THBS1: variants seen among roughly 807,000 people sequenced by gnomAD.
THBS1 encodes the protein thrombospondin 1.
THBS1 carries 29 observed loss-of-function variants against 126.1 expected under a neutral mutation model. The observed-to-expected ratio is 0.23, with a 90% CI of 0.17 to 0.31. The LOEUF (loss-of-function observed/expected upper bound fraction) is 0.31, where lower values mean the gene tolerates loss of function less well. Ranked by LOEUF, THBS1 falls within the 10% of genes least tolerant of loss-of-function variation. THBS1 has a pLI of 1.00. For synonymous variants in THBS1, 496 were observed against 577.8 expected (o/e 0.86, Z 2.03); for missense variants, 1,198 against 1,545.2 (o/e 0.78, Z 3.77).
At chr15:39,583,576 C>T (rs755099892) in intron 3 of THBS1, 41 bp from the exon 4 acceptor site, 165 of 1,523,700 alleles carry the variant, frequency 1.1e-4, no homozygotes, top group Non-Finnish European at 1.4e-4. Context: ...ATCCCCACCC[C>T]GCTCTGCATT....
Position 39,588,682 on chromosome 15 carries a change from A to G in THBS1, c.1628A>G (p.Lys543Arg). Residue 543 changes from lysine (K) to arginine (R), a missense_variant, in exon 10 of 22, where the codon AAG becomes AGG. Around this residue, in one of 4 missense-constraint regions of THBS1, gnomAD observed 663 missense variants for 860.1 expected, o/e 0.77. Transcript: ENST00000260356. ...GDVTENQICNKQDCPIDGCLS... is the reference protein window; with the variant it reads ...GDVTENQICNRQDCPIDGCLS... ...GTAACAGAAAACCAGATCTGCAACAAGCAGGACTGTCCAATTGGTGAGCCA... is the reference window on the plus strand; with the variant it reads ...GTAACAGAAAACCAGATCTGCAACAGGCAGGACTGTCCAATTGGTGAGCCA... 3 of 1,586,956 alleles carry G rather than the reference A, an allele frequency of 1.9e-6. No homozygotes were observed. The highest frequency in any genetic ancestry group is 2.6e-6 in the Non-Finnish European group (3 of 1,168,434).
At chr15:39,584,524 C>T (rs913652956) in intron 6 of THBS1, 102 bp downstream of exon 6, 2 of 1,465,822 alleles carry the variant, frequency 1.4e-6, no homozygotes, top group Non-Finnish European at 1.8e-6. Context: ...TTTTATGTTC[C>T]ATGGCCTGAT....
rs1274149815 is a variant in THBS1 at position 39,597,212 on chromosome 15, A to G, written c.*1843A>G. The stretch of plus-strand genomic sequence containing the variant: ...AGGAAATACTGCCTGTAGAGTTAGT[A>G]TTTCTATTTTTATATAATGTTTGCA... On this transcript the variant is annotated 3_prime_UTR_variant, in exon 22 of 22. Transcript: ENST00000260356. 1 of 134,532 alleles carries G rather than the reference A, an allele frequency of 7.4e-6. No homozygotes were observed. The highest frequency in any genetic ancestry group is 2.8e-5 in the African/African-American group (1 of 35,200). 8.3% of individuals were successfully genotyped at this position (134,532 alleles called of 1,614,324 possible).
At chr15:39,586,095 G>A (rs945428646) in intron 7 of THBS1, among the ~76,000 whole-genome samples, 5 of 152,156 alleles carry the variant, frequency 3.3e-5, no homozygotes, top group African/African-American at 1.2e-4. Flanking sequence ...CCTGGCTTTT[G>A]TTACCAGTAA....
In THBS1 at chr15:39,592,784, G is replaced by A. The variant is rs1441116907; in HGVS notation, c.2749G>A (p.Asp917Asn). 23 of 1,613,286 alleles carry A rather than the reference G, an allele frequency of 1.4e-5. No homozygotes were observed. The highest frequency in any genetic ancestry group is 1.8e-5 in the Non-Finnish European group (21 of 1,179,604). Residue 917 changes from aspartate to asparagine, a missense_variant, in exon 17 of 22, where the codon GAC becomes AAC. Around this residue, in one of 4 missense-constraint regions of THBS1, gnomAD observed 255 missense variants for 373.9 expected, o/e 0.68. Transcript: ENST00000260356. This position sits in a 1 kb window ranked among gnomAD's most constrained non-coding sequence, Gnocchi z 4.3. ...KDNCRLVPNP[D>N]QKDSDGDGRG... ...CAACTGCAGACTCGTGCCCAATCCCGACCAGAAGGACTCTGACGGTGAGTC... is the reference window on the plus strand; with the variant it reads ...CAACTGCAGACTCGTGCCCAATCCCAACCAGAAGGACTCTGACGGTGAGTC...
chr15:39,587,413 G>A lies in THBS1; in HGVS notation c.1187G>A (p.Gly396Asp). Residue 396 changes from glycine to aspartate, a missense_variant, in exon 8 of 22, where the codon GGC (glycine) becomes GAC (aspartate). Physicochemically the swap from Gly to Asp is moderately conservative, Grantham distance 94. Coordinates refer to ENST00000260356, the MANE Select transcript of THBS1 (RefSeq NM_003246.4). ...TGGACCTCCTGTTCTACGAGCTGTGGCAATGGAATTCAGCAGCGCGGCCGC... is the reference window on the plus strand; with the variant it reads ...TGGACCTCCTGTTCTACGAGCTGTGACAATGGAATTCAGCAGCGCGGCCGC... ...SEWTSCSTSCGNGIQQRGRSC... is the reference protein window; with the variant it reads ...SEWTSCSTSCDNGIQQRGRSC... 6.2e-7 allele frequency: 1 copy of A among 1,613,980 alleles called. No homozygotes were observed.
intron 8 of THBS1, 131 bp downstream of exon 8, chr15:39,587,651 C>G: frequency 1.0e-6 from 1 of 969,530 alleles, no homozygotes; most frequent in South Asian, 1.8e-5. Flanking sequence ...CACTGCTTAG[C>G]TGTGCACCCT....
At position 39,592,783 on chromosome 15, in the gene THBS1, C is replaced by T. The variant is rs754711395; in HGVS notation, c.2748C>T (p.Pro916=). The T allele has an allele frequency of 1.8e-5, 29 of 1,613,504 alleles. 1 individual carries two copies. The East Asian group carries it at 4.0e-4, about 22-fold the overall frequency. The change falls in exon 17 of 22, where the codon CCC becomes CCT. Residue 916 remains proline (P), a synonymous_variant. Transcript: ENST00000260356. This position sits in a 1 kb window ranked among gnomAD's most constrained non-coding sequence, Gnocchi z 4.3. Reference sequence around the variant, plus strand: ...ACAACTGCAGACTCGTGCCCAATCCCGACCAGAAGGACTCTGACGGTGAGT... The same window carrying T: ...ACAACTGCAGACTCGTGCCCAATCCTGACCAGAAGGACTCTGACGGTGAGT... The part of the protein sequence containing the change: ...DKDNCRLVPN[P]DQKDSDGDGR...
In THBS1 at chr15:39,592,624, T is replaced by C. The variant is rs549986730; in HGVS notation, c.2589T>C (p.Asp863=). Residue 863 remains aspartate, a synonymous_variant, in exon 17 of 22, where the codon GAT becomes GAC. Transcript: ENST00000260356. The surrounding 1 kb of genome is among the most constrained non-coding windows in gnomAD (Gnocchi z 4.3). ...GDTCDNNQDI[D]EDGHQNNLDN... is the part of the protein sequence containing the mutation. ...CCTGTGACAACAATCAGGATATTGA[T>C]GAAGATGGCCACCAGAACAATCTGG... 3.1e-6 allele frequency: 5 copies of C among 1,614,118 alleles called. No individual in the cohort carries two copies. In the African/African-American group the frequency reaches 6.7e-5, roughly 22 times the overall value.
Position 39,595,607 on chromosome 15 carries a change from C to T in THBS1, c.*238C>T. 1 of 633,196 alleles carries T rather than the reference C, an allele frequency of 1.6e-6. No individual in the cohort carries two copies. Among genetic ancestry groups the T allele is most frequent in the Admixed American group, 2.2e-5 (1 of 45,462 alleles). The allele number at this position is 633,196 out of a possible 1,614,324, so 39.2% of individuals were successfully genotyped here. ...CATCTTCCAAGCATATAAACAATTG[C>T]TTTGGTTTCCTTTTGAAAAAGCATC... On this transcript the variant is annotated 3_prime_UTR_variant, in exon 22 of 22. Transcript: ENST00000260356.
At position 39,584,435 on chromosome 15, in the gene THBS1, C is replaced by G. The variant is rs765946152; in HGVS notation, c.1026+13C>G. 7 of 1,613,844 alleles carry G rather than the reference C, an allele frequency of 4.3e-6. No homozygotes were observed. The East Asian group carries it at 1.6e-4, about 36-fold the overall frequency. ...GTGTCACTGTCAGGTAAGGGACCTTCACCAGCCAGAATAAGAATCGACGGC... is the reference window on the plus strand; with the variant it reads ...GTGTCACTGTCAGGTAAGGGACCTTGACCAGCCAGAATAAGAATCGACGGC... On this transcript the variant is annotated intron_variant, in intron 6 of 21. Transcript: ENST00000260356.
chr15:39,585,791 A>T (rs1467534537), intron 7 of THBS1, among the ~76,000 whole-genome samples: 1 of 152,244 alleles, frequency 6.6e-6, no homozygotes, highest in Admixed American at 6.5e-5. Flanking sequence ...GGCAGTGAAG[A>T]TCTTGGTATA....
chr15:39,588,338 A>G lies in THBS1; in HGVS notation c.1471+120A>G. The G allele has an allele frequency of 1.0e-5, 14 of 1,359,546 alleles. No homozygotes were observed. In the South Asian group the frequency reaches 2.1e-4, roughly 20 times the overall value. 84.2% of individuals were successfully genotyped at this position (1,359,546 alleles called of 1,614,324 possible). On this transcript the variant is annotated intron_variant, in intron 9 of 21. Coordinates refer to ENST00000260356, the MANE Select transcript of THBS1 (RefSeq NM_003246.4). ...AGCAGGAAGGTTACCTACTAGAGAA[A>G]CAAACAGAAGCAAAGTCCTGCAGGC...
chr15:39,583,593 G>C (rs201930267), intron 3 of THBS1, 24 bp from the exon 4 acceptor site: 2 of 1,220,880 alleles, frequency 1.6e-6, no homozygotes, highest in East Asian at 3.9e-5. Context: ...CATTCTACAA[G>C]TAATGTGTGT....
In THBS1 at chr15:39,590,585, G is replaced by A. The variant is rs1890307975; in HGVS notation, c.2215G>A (p.Asp739Asn). The A allele has an allele frequency of 1.9e-6, 3 of 1,613,822 alleles. No individual in the cohort carries two copies. Among genetic ancestry groups the A allele is most frequent in the East Asian group, 2.2e-5 (1 of 44,890 alleles). ...YDKDGIGDAC[D>N]DDDDNDKIPD... ...CAAGGATGGAATTGGTGATGCCTGTGATGATGACGATGACAATGATAAAAT... is the reference window on the plus strand; with the variant it reads ...CAAGGATGGAATTGGTGATGCCTGTAATGATGACGATGACAATGATAAAAT... The change falls in exon 14 of 22, where the codon GAT (aspartate) becomes AAT (asparagine). Residue 739 changes from aspartate to asparagine, a missense_variant. This residue lies in a region of THBS1 where 663 missense variants were observed against 860.1 expected (regional missense o/e 0.77). Transcript: ENST00000260356.
intron 2 of THBS1, 114 bp from the exon 3 acceptor site, chr15:39,582,079 C>T: frequency 1.5e-6 from 2 of 1,329,194 alleles, no homozygotes; most frequent in Non-Finnish European, 2.1e-6. Context: ...TCACCTCTTT[C>T]AGTGGTTGCC....
chr15:39,589,270 C>T lies in THBS1; in HGVS notation c.1842C>T (p.Gly614=). 1 of 1,614,162 alleles carries T rather than the reference C, an allele frequency of 6.2e-7. No homozygotes were observed. Among genetic ancestry groups the T allele is most frequent in the East Asian group, 2.2e-5 (1 of 44,880 alleles). ...ACCGGTGTGAGAACACGGACCCCGG[C>T]TACAACTGCCTGCCCTGCCCCCCAC... ...GEHRCENTDP[G]YNCLPCPPRF... is the part of the protein sequence containing the mutation. The change falls in exon 12 of 22, where the codon GGC becomes GGT. Residue 614 remains glycine (G), a synonymous_variant. Coordinates refer to ENST00000260356, the MANE Select transcript of THBS1 (RefSeq NM_003246.4). The surrounding 1 kb of genome is among the most constrained non-coding windows in gnomAD (Gnocchi z 4.7).
At chr15:39,588,437 G>A (rs1170005617) in intron 9 of THBS1, 89 bp from the exon 10 acceptor site, 1 of 1,449,302 alleles carries the variant, frequency 6.9e-7, no homozygotes, top group African/African-American at 1.4e-5. Flanking sequence ...GAGAAGCAGA[G>A]GTTTCTTGAA....
intron 13 of THBS1, 128 bp from the exon 14 acceptor site, chr15:39,590,388 A>C: frequency 1.4e-6 from 1 of 707,100 alleles, no homozygotes; most frequent in Non-Finnish European, 2.3e-6. Context: ...CTTCCCATAA[A>C]AAAAATATGC....
Sources: gnomAD v4.1 joint callset for allele counts (sites outside exome capture counted in the v4.1 genomes callset) on GRCh38, gnomAD v4.1.1 for gene constraint, gnomAD v4.1.1 regional missense constraint, Gnocchi (gnomAD v3.1) non-coding constraint, MANE v1.5 for transcripts, NCBI Gene and HGNC (gene_info 2026-07-23, HGNC 2026-07-21) for gene names.